Variants in TDRD12 observed in about 807,000 individuals in gnomAD.
The protein encoded by TDRD12 is putative ATP-dependent RNA helicase TDRD12.
In TDRD12, 158 loss-of-function variants were observed where a neutral mutation model predicts 133.5. The observed-to-expected ratio is 1.18, with a 90% CI of 1.04 to 1.35. TDRD12 has a LOEUF of 1.35. Among genes scored for constraint, TDRD12 ranks in the 40% most tolerant of loss-of-function variants. The pLI is 0.00. For missense variants in TDRD12, 1,443 were observed against 1,321.3 expected (o/e 1.09, Z -1.43); for synonymous variants, 460 against 477.9 (o/e 0.96, Z 0.49).
intron 3 of TDRD12, among the ~76,000 whole-genome samples, chr19:32,739,511 C>A (rs565077974): frequency 7.0e-6 from 1 of 142,070 alleles, no homozygotes; most frequent in Non-Finnish European, 1.5e-5. Context: ...CATCTCCTGG[C>A]TGCTCTCTGC....
intron 2 of TDRD12, among the ~76,000 whole-genome samples, chr19:32,734,579 C>T (rs993015050): frequency 6.6e-6 from 1 of 151,888 alleles, no homozygotes; most frequent in African/African-American, 2.4e-5. Flanking sequence ...CGCCATGTTG[C>T]CCAGGCTGGT....
At chr19:32,772,242 T>C (rs1970461460) in intron 8 of TDRD12, among the ~76,000 whole-genome samples, 1 of 152,204 alleles carries the variant, frequency 6.6e-6, no homozygotes, top group Non-Finnish European at 1.5e-5. Flanking sequence ...ATGTGGCTGC[T>C]TCCCCACAGC....
chr19:32,735,012 C>G (rs978899582), intron 2 of TDRD12, among the ~76,000 whole-genome samples: 1 of 152,166 alleles, frequency 6.6e-6, no homozygotes, highest in African/African-American at 2.4e-5. Flanking sequence ...ATCTCTCTCC[C>G]TCTCCCCAGG....
Position 32,797,892 on chromosome 19 carries a change from G to A in TDRD12, c.1630+1G>A. 3 of 686,478 alleles carry A rather than the reference G, an allele frequency of 4.4e-6. No homozygotes were observed. The highest frequency in any genetic ancestry group is 7.9e-6 in the Non-Finnish European group (3 of 380,554). 42.5% of individuals were successfully genotyped at this position (686,478 alleles called of 1,614,324 possible). On this transcript the variant is annotated splice_donor_variant, in intron 15 of 27. Transcript: ENST00000444215. LOFTEE classifies it high-confidence loss of function. ...AAAAATACAAAGCTTCCAAGGGGCT[G>A]TAAGTATCCTTTTCAAGCGGCTATA...
chr19:32,756,299 A>G lies in TDRD12; in HGVS notation c.772+118A>G, dbSNP rs372462614. 2.6e-5 allele frequency: 23 copies of G among 872,082 alleles called. 2 individuals are homozygous for G. The African/African-American group carries it at 3.0e-4, about 11-fold the overall frequency. 54.0% of individuals were successfully genotyped at this position (872,082 alleles called of 1,614,324 possible). A position where few individuals can be genotyped will look rare whatever the true frequency, so the allele number is the denominator to read the frequency against. ...GGAGACAAAGACTTGGACTCTGTTT[A>G]AAGTTTAATCCTGATGAGGCTGTGA... On this transcript the variant is annotated intron_variant, in intron 7 of 27. Transcript: ENST00000444215.
chr19:32,792,928 C>T (rs1971114552), intron 13 of TDRD12, among the ~76,000 whole-genome samples: 1 of 152,184 alleles, frequency 6.6e-6, no homozygotes, highest in Admixed American at 6.5e-5. Context: ...TGGCTCACGC[C>T]TTTAATCCTA....
intron 14 of TDRD12, among the ~76,000 whole-genome samples, chr19:32,796,459 C>G (rs1419471664): frequency 6.6e-6 from 1 of 151,994 alleles, no homozygotes; most frequent in Non-Finnish European, 1.5e-5. Flanking sequence ...GTGGCACACG[C>G]CTGTAGTTCC....
At chr19:32,750,006 C>A (rs890980949) in intron 6 of TDRD12, 137 bp downstream of exon 6, 1 of 574,672 alleles carries the variant, frequency 1.7e-6, no homozygotes, top group Non-Finnish European at 2.8e-6. Flanking sequence ...CTATCTTAGA[C>A]CCGAAGTTAG....
chr19:32,803,585 T>A (rs1165254500), intron 21 of TDRD12, among the ~76,000 whole-genome samples: 1 of 152,194 alleles, frequency 6.6e-6, no homozygotes, highest in Non-Finnish European at 1.5e-5. Context: ...GCCATGTCTT[T>A]TGTGGAAATG....
At chr19:32,758,067 C>T (rs967943593) in intron 8 of TDRD12, among the ~76,000 whole-genome samples, 2 of 152,188 alleles carry the variant, frequency 1.3e-5, no homozygotes, top group Non-Finnish European at 2.9e-5. Context: ...GCTGGAGGCT[C>T]CCTACCCACT....
In TDRD12 at chr19:32,800,668, G is replaced by GA; in HGVS notation, c.1981dup (p.Thr661AsnfsTer9). 2 of 1,535,256 alleles carry GA rather than the reference G, an allele frequency of 1.3e-6. No homozygotes were observed. Among genetic ancestry groups the GA allele is most frequent in the Non-Finnish European group, 1.7e-6 (2 of 1,146,606 alleles). On this transcript the variant is annotated frameshift_variant, in exon 18 of 28. Transcript: ENST00000444215. LOFTEE classifies it high-confidence loss of function. ...GGTAGTACATCTTTGCCTAGAATGT[G>GA]AAAAAACTTCTTCTTTACTCCAAGC...
intron 3 of TDRD12, among the ~76,000 whole-genome samples, chr19:32,741,414 C>T (rs556736970): frequency 2.6e-5 from 4 of 152,200 alleles, no homozygotes; most frequent in South Asian, 4.1e-4. Flanking sequence ...AATTTCATGG[C>T]ATACGTGTTT....
chr19:32,759,030 T>C (rs1970076375), intron 8 of TDRD12, among the ~76,000 whole-genome samples: 1 of 148,606 alleles, frequency 6.7e-6, no homozygotes, highest in Non-Finnish European at 1.5e-5. Flanking sequence ...TCACCTGAGA[T>C]CAGGAGTTTG....
rs190076346 is a variant in TDRD12 at position 32,748,891 on chromosome 19, A to C, written c.496+360A>C. On this transcript the variant is annotated intron_variant, in intron 5 of 27. Transcript: ENST00000444215. ...GAAAAACCTAGCATTTTTAGTGAGCAAGAGATAGTAAATGGATATTTATTG... is the reference window on the plus strand; with the variant it reads ...GAAAAACCTAGCATTTTTAGTGAGCCAGAGATAGTAAATGGATATTTATTG... 7.9e-5 allele frequency among the ~76,000 whole-genome samples: 12 copies of C among 152,398 alleles called. No individual in the cohort carries two copies. The East Asian group carries it at 2.3e-3, about 29-fold the overall frequency.
intron 21 of TDRD12, among the ~76,000 whole-genome samples, chr19:32,803,685 A>G: frequency 6.6e-6 from 1 of 152,226 alleles, no homozygotes; most frequent in South Asian, 2.1e-4. Context: ...GCGGCTGGCC[A>G]TTTTCCGGTC....
At chr19:32,800,256 T>C (rs1393952536) in exon 17 of TDRD12, 2 of 1,535,170 alleles carry the variant, frequency 1.3e-6, no homozygotes, top group East Asian at 2.4e-5. Context: ...TTGGAGTTCA[T>C]TGGAACAAAC....
chr19:32,761,289 A>AT (rs1195052465), intron 8 of TDRD12, among the ~76,000 whole-genome samples: 2 of 151,632 alleles, frequency 1.3e-5, no homozygotes, highest in African/African-American at 4.8e-5. Flanking sequence ...CTAATTTTTT[A>AT]TTTTTTTATT....
intron 1 of TDRD12, among the ~76,000 whole-genome samples, chr19:32,721,688 T>TTATGTTATGTTATG (rs1568440272): frequency 1.4e-5 from 2 of 140,328 alleles, no homozygotes; most frequent in African/African-American, 5.4e-5. Context: ...CCTATTTTAT[T>TTATGTTATGTTATG]TTATTTTATT....
intron 8 of TDRD12, among the ~76,000 whole-genome samples, chr19:32,767,385 T>C (rs1031701000): frequency 2.0e-5 from 3 of 152,100 alleles, no homozygotes; most frequent in Non-Finnish European, 2.9e-5. Flanking sequence ...CGACTCGGCC[T>C]CCCAAAGTGC....
Sources: gnomAD v4.1 joint callset for allele counts (sites outside exome capture counted in the v4.1 genomes callset) on GRCh38, gnomAD v4.1.1 for gene constraint, MANE v1.5 for transcripts, NCBI Gene and HGNC (gene_info 2026-07-23, HGNC 2026-07-21) for gene names.